CDV3: variants seen among roughly 807,000 people sequenced by gnomAD.
CDV3 encodes the protein CDV3 homolog, also known as protein CDV3 homolog.
Under a neutral mutation model 24.5 loss-of-function variants are expected in CDV3, and 14 were observed. The ratio of observed to expected loss-of-function variants is 0.57; its 90% CI spans 0.38 to 0.89. The LOEUF (loss-of-function observed/expected upper bound fraction) is 0.89, where lower values mean the gene tolerates loss of function less well. Ranked by LOEUF, CDV3 falls within the 40% of genes least tolerant of loss-of-function variation. The pLI, the probability that CDV3 is intolerant of heterozygous loss-of-function variation, is 0.00. For missense variants in CDV3, 304 were observed against 310.2 expected, an observed-to-expected ratio of 0.98 and a Z score of 0.15; for synonymous variants, 114 against 114.1, an observed-to-expected ratio of 1.00 and a Z score of 0.00.
At position 133,584,272 on chromosome 3, in the gene CDV3, G is replaced by A. The variant is rs769482726; in HGVS notation, c.466+122G>A. 3.0e-5 allele frequency: 20 copies of A among 665,924 alleles called. No homozygotes were observed. In the East Asian group the frequency reaches 3.6e-4, roughly 12 times the overall value. The allele number at this position is 665,924 out of a possible 1,614,324, so 41.3% of individuals were successfully genotyped here. On this transcript the variant is annotated intron_variant, in intron 3 of 4. Coordinates refer to ENST00000264993, the MANE Select transcript of CDV3 (RefSeq NM_017548.5). ...GGAGGAGAGGCTCCTTTCCATTCCT[G>A]GTAGAGTGGGATGTGTATATATCTT...
intron 2 of CDV3, among the ~76,000 whole-genome samples, chr3:133,580,134 C>T (rs888290803): frequency 2.6e-5 from 4 of 152,030 alleles, no homozygotes; most frequent in Admixed American, 2.0e-4. Flanking sequence ...CCCCACCCCC[C>T]AACAGGCCCT....
rs962937875 is a variant in CDV3, at chr3:133,588,143, C to T, written c.*97C>T. The T allele has an allele frequency of 4.2e-5, 65 of 1,559,390 alleles. No individual in the cohort carries two copies. In the South Asian group the frequency reaches 6.3e-4, roughly 15 times the overall value. ...TGATCTCTGCTGGATCTACAGACACCGATGCAGACCACTCGATTTCATGAC... is the reference window on the plus strand; with the variant it reads ...TGATCTCTGCTGGATCTACAGACACTGATGCAGACCACTCGATTTCATGAC... On this transcript the variant is annotated 3_prime_UTR_variant, in exon 5 of 5. Coordinates refer to ENST00000264993, the MANE Select transcript of CDV3 (RefSeq NM_017548.5).
rs761889207 is a variant in CDV3 at position 133,587,927 on chromosome 3, G to C, written c.658G>C (p.Val220Leu). ...AGAAATGGAGAAGAGCTTTGAAGTA[G>C]TAAGACACAAAAATAGAGGTAGGGA... is the stretch of plus-strand genomic sequence containing the variant. ...DKEMEKSFEV[V>L]RHKNRGRDEV... is the part of the protein sequence containing the mutation. Residue 220 changes from valine (V) to leucine (L), a missense_variant, in exon 5 of 5, where the codon GTA becomes CTA. By Grantham distance (32) the Val-to-Leu change is conservative (BLOSUM62 1). Coordinates refer to ENST00000264993, the MANE Select transcript of CDV3 (RefSeq NM_017548.5). 1.2e-6 allele frequency: 2 copies of C among 1,612,612 alleles called. No individual in the cohort carries two copies. The highest frequency in any genetic ancestry group is 3.3e-5 in the Admixed American group (2 of 59,902).
intron 2 of CDV3, among the ~76,000 whole-genome samples, chr3:133,575,886 C>T: frequency 6.6e-6 from 1 of 152,140 alleles, no homozygotes. Context: ...TAGGAAAAAA[C>T]AAATGAAGAT....
intron 1 of CDV3, chr3:133,574,697 T>A: frequency 9.4e-7 from 1 of 1,065,580 alleles, no homozygotes; most frequent in Non-Finnish European, 1.1e-6. Flanking sequence ...TTGTGATGAC[T>A]TAGTCTCTAA....
intron 2 of CDV3, among the ~76,000 whole-genome samples, chr3:133,579,400 A>G (rs1368205526): frequency 6.6e-6 from 1 of 152,230 alleles, no homozygotes; most frequent in African/African-American, 2.4e-5. Flanking sequence ...TCCCATGGAA[A>G]TAACCGTTTG....
intron 3 of CDV3, among the ~76,000 whole-genome samples, chr3:133,585,328 C>T (rs1055806630): frequency 1.1e-4 from 17 of 152,148 alleles, no homozygotes; most frequent in South Asian, 4.1e-4. Context: ...GTGTGAGTCA[C>T]CACACCCGGT....
intron 3 of CDV3, 42 bp from the exon 4 acceptor site, chr3:133,586,521 A>G (rs1933617182): frequency 9.9e-7 from 1 of 1,009,326 alleles, no homozygotes; most frequent in Non-Finnish European, 1.5e-6. Flanking sequence ...TAAAATGCTG[A>G]GCATTTAAAT....
At chr3:133,577,192 A>G (rs1332240951) in intron 2 of CDV3, among the ~76,000 whole-genome samples, 3 of 151,936 alleles carry the variant, frequency 2.0e-5, no homozygotes, top group Non-Finnish European at 4.4e-5. Context: ...GCATCTAGTC[A>G]TTGGCCCTAA....
intron 2 of CDV3, among the ~76,000 whole-genome samples, chr3:133,579,276 C>T (rs6781238): frequency 0.48 from 73,301 of 152,020 alleles, 21,299 homozygotes; most frequent in Non-Finnish European, 0.65. Flanking sequence ...TATTTAAGAC[C>T]GTATATGTGG....
rs1213370307 is a variant in CDV3 at position 133,590,216 on chromosome 3, A to G, written c.*2170A>G. 1 of 152,192 alleles carries G rather than the reference A, an allele frequency of 6.6e-6. No individual in the cohort carries two copies. The highest frequency in any genetic ancestry group is 1.9e-4 in the East Asian group (1 of 5,198). The allele number at this position is 152,192 out of a possible 1,614,324, so 9.4% of individuals were successfully genotyped here. ...TTCTCAGGCATGGTTTGGCAGTGCA[A>G]GAATTCTGTAACATTAACAAATTCA... is the stretch of plus-strand genomic sequence containing the variant. On this transcript the variant is annotated 3_prime_UTR_variant, in exon 5 of 5. Coordinates refer to ENST00000264993, the MANE Select transcript of CDV3 (RefSeq NM_017548.5).
intron 1 of CDV3, 22 bp downstream of exon 1, chr3:133,574,306 ACTCGGGGCCCGGGCCGCGCGCCGGCG>A (rs2074714446): frequency 6.1e-5 from 58 of 957,902 alleles, no homozygotes; most frequent in Non-Finnish European, 7.2e-5. Flanking sequence ...GGAGGCCGGC[ACTCGGGGCCCGGGCCGCGCGCCGGCG>A]CCCCATGTGC....
At chr3:133,574,976 GT>G in intron 1 of CDV3, 62 bp from the exon 2 acceptor site, 1 of 1,013,408 alleles carries the variant, frequency 9.9e-7, no homozygotes. Context: ...TTCGTAGTGT[GT>G]TATTTGCTTA....
At chr3:133,583,334 C>T (rs151032059) in intron 2 of CDV3, among the ~76,000 whole-genome samples, 2,878 of 152,330 alleles carry the variant, frequency 0.019, 40 homozygotes, top group South Asian at 0.044. Flanking sequence ...CAAAACTCTT[C>T]ATTTGCTCAC....
intron 3 of CDV3, 48 bp from the exon 4 acceptor site, chr3:133,586,515 A>G: frequency 1.0e-6 from 1 of 965,676 alleles, no homozygotes; most frequent in Non-Finnish European, 1.6e-6. Flanking sequence ...GCTTATTAAA[A>G]TGCTGAGCAT....
chr3:133,587,056 C>T, intron 4 of CDV3: 2 of 572,302 alleles, frequency 3.5e-6, no homozygotes, highest in Non-Finnish European at 5.7e-6. Context: ...AATATGGAAA[C>T]TAGAAATATA....
intron 2 of CDV3, among the ~76,000 whole-genome samples, chr3:133,577,423 C>T (rs1167700947): frequency 1.3e-5 from 2 of 150,680 alleles, no homozygotes; most frequent in Non-Finnish European, 3.0e-5. Context: ...TGCAATGGTG[C>T]GATCTCAGCT....
chr3:133,582,700 C>CT (rs1287049953), intron 2 of CDV3, among the ~76,000 whole-genome samples: 4 of 151,916 alleles, frequency 2.6e-5, no homozygotes, highest in Admixed American at 6.6e-5. Flanking sequence ...GGGAACCAGC[C>CT]TTTTTTTTAT....
rs766076373 is a variant in CDV3, at chr3:133,579,613, TAG to T, written c.318-4386_318-4385del. ...TTTGTTCGTTCTTTTTTTTTTTTGA[TAG>T]AGTTTTTGCTTTTGTTACCCAGGCT... On this transcript the variant is annotated intron_variant, in intron 2 of 4. Coordinates refer to ENST00000264993, the MANE Select transcript of CDV3 (RefSeq NM_017548.5). Among the ~76,000 whole-genome samples the T allele has an allele frequency of 1.5e-4, 23 of 152,028 alleles. 2 individuals are homozygous for T. The highest frequency in any genetic ancestry group is 2.9e-4 in the African/African-American group (12 of 41,482).
Sources: gnomAD v4.1 joint callset for allele counts (sites outside exome capture counted in the v4.1 genomes callset) on GRCh38, gnomAD v4.1.1 for gene constraint, MANE v1.5 for transcripts, NCBI Gene and HGNC (gene_info 2026-07-23, HGNC 2026-07-21) for gene names.